The following CACNA2D3 variants were observed in gnomAD, a reference collection of about 807,000 sequenced individuals.
CACNA2D3 encodes voltage-dependent calcium channel subunit alpha-2/delta-3.
CACNA2D3 carries 60 observed loss-of-function variants against 160.6 expected under a neutral mutation model. That is an observed-to-expected ratio of 0.37 (90% CI 0.30 to 0.46). The LOEUF (loss-of-function observed/expected upper bound fraction) is 0.46, where lower values mean the gene tolerates loss of function less well. Ranked by LOEUF, CACNA2D3 falls within the 20% of genes least tolerant of loss-of-function variation. The probability of loss-of-function intolerance (pLI) is 1.00; values close to 1 mark genes in which losing one functional copy is unlikely to be tolerated. For synonymous variants in CACNA2D3, 558 were observed against 492.9 expected, an observed-to-expected ratio of 1.13 and a Z score of -1.75; for missense variants, 1,205 against 1,365.0, an observed-to-expected ratio of 0.88 and a Z score of 1.85.
At chr3:54,689,010 A>AAAAAAATAG (rs1553785965) in intron 11 of CACNA2D3, among the ~76,000 whole-genome samples, 1 of 85,496 alleles carries the variant, frequency 1.2e-5, no homozygotes, top group Admixed American at 1.5e-4. Context: ...AAAAAAAAAA[A>AAAAAAATAG]AGAATGAGGT....
intron 5 of CACNA2D3, among the ~76,000 whole-genome samples, chr3:54,523,212 C>G (rs1392262934): frequency 6.6e-6 from 1 of 152,078 alleles, no homozygotes; most frequent in Non-Finnish European, 1.5e-5. Context: ...GAAGAAGTCA[C>G]CTTCTATTCC....
At chr3:54,769,274 T>C (rs938220200) in intron 13 of CACNA2D3, among the ~76,000 whole-genome samples, 1 of 152,020 alleles carries the variant, frequency 6.6e-6, no homozygotes, top group Non-Finnish European at 1.5e-5. Context: ...CAGGACAGTT[T>C]CAAGCCAGCA....
chr3:54,783,045 CT>C (rs980563899), intron 13 of CACNA2D3, among the ~76,000 whole-genome samples: 48 of 152,258 alleles, frequency 3.2e-4, no homozygotes, highest in African/African-American at 9.1e-4. Context: ...AGGATTTTGC[CT>C]AAGGAAATGG....
At chr3:55,059,860 C>G (rs1015945802) in intron 35 of CACNA2D3, among the ~76,000 whole-genome samples, 4 of 152,026 alleles carry the variant, frequency 2.6e-5, no homozygotes, top group Admixed American at 1.3e-4. Context: ...GTTCTCCTCT[C>G]CAACCGTCCC....
chr3:54,571,587 C>A (rs1158443627), intron 8 of CACNA2D3, among the ~76,000 whole-genome samples: 1 of 149,618 alleles, frequency 6.7e-6, no homozygotes, highest in Non-Finnish European at 1.5e-5. Context: ...AGCCTGATTT[C>A]TTTGAGTCCT....
chr3:54,513,398 G>T (rs946044069), intron 5 of CACNA2D3, among the ~76,000 whole-genome samples: 1 of 151,988 alleles, frequency 6.6e-6, no homozygotes, highest in South Asian at 2.1e-4. Context: ...ACATTTTTGT[G>T]GTGCTTACTA....
At chr3:54,896,006 T>C (rs1167788751) in intron 25 of CACNA2D3, among the ~76,000 whole-genome samples, 1 of 152,156 alleles carries the variant, frequency 6.6e-6, no homozygotes, top group Non-Finnish European at 1.5e-5. Flanking sequence ...GTTACCAAGA[T>C]TGTGGGGGCC....
intron 13 of CACNA2D3, among the ~76,000 whole-genome samples, chr3:54,781,645 T>G (rs1010718088): frequency 1.3e-5 from 2 of 152,212 alleles, no homozygotes; most frequent in Non-Finnish European, 2.9e-5. Flanking sequence ...TTCGGTAATT[T>G]GTACATGTTA....
chr3:54,400,119 G>A (rs1450020379), intron 4 of CACNA2D3, among the ~76,000 whole-genome samples: 2 of 143,384 alleles, frequency 1.4e-5, no homozygotes, highest in African/African-American at 5.2e-5. Context: ...CTGACCCCTT[G>A]CGCTTCCCAG....
intron 29 of CACNA2D3, among the ~76,000 whole-genome samples, chr3:54,981,935 C>T (rs12107153): frequency 0.25 from 38,054 of 152,086 alleles, 5,296 homozygotes; most frequent in African/African-American, 0.38. Flanking sequence ...GAGCAAAGCA[C>T]TGCCTGTGGC....
chr3:54,758,512 G>C (rs1702018430), intron 12 of CACNA2D3, among the ~76,000 whole-genome samples: 1 of 152,144 alleles, frequency 6.6e-6, no homozygotes, highest in Admixed American at 6.5e-5. Flanking sequence ...TGTGAAGTCA[G>C]AGAAGACAGG....
chr3:54,883,243 C>T (rs1004141699), intron 21 of CACNA2D3, among the ~76,000 whole-genome samples: 49 of 152,256 alleles, frequency 3.2e-4, no homozygotes, highest in African/African-American at 1.2e-3. Flanking sequence ...AGACTGGTCT[C>T]GAACTCCTGA....
chr3:54,311,098 ATCAGGCTTCGAG>A (rs1288717456), intron 2 of CACNA2D3, among the ~76,000 whole-genome samples: 9 of 152,186 alleles, frequency 5.9e-5, no homozygotes, highest in African/African-American at 1.9e-4. Flanking sequence ...GGATGCTGCT[ATCAGGCTTCGAG>A]TCAGCAGCAC....
intron 4 of CACNA2D3, among the ~76,000 whole-genome samples, chr3:54,468,649 C>A (rs753770478): frequency 6.6e-6 from 1 of 152,194 alleles, no homozygotes; most frequent in African/African-American, 2.4e-5. Context: ...ATCCCACCCC[C>A]ACGGAGTCCA....
intron 27 of CACNA2D3, among the ~76,000 whole-genome samples, chr3:54,941,097 G>A (rs1457492704): frequency 2.0e-5 from 3 of 152,160 alleles, no homozygotes; most frequent in Non-Finnish European, 2.9e-5. Flanking sequence ...TCCATGGTAC[G>A]AGTAATGCCG....
At chr3:54,527,702 C>T (rs1463038102) in intron 5 of CACNA2D3, among the ~76,000 whole-genome samples, 2 of 152,180 alleles carry the variant, frequency 1.3e-5, no homozygotes, top group African/African-American at 4.8e-5. Flanking sequence ...ATGAGAAATG[C>T]TGATGACCTG....
At chr3:54,935,042 A>T (rs1286722357) in intron 27 of CACNA2D3, among the ~76,000 whole-genome samples, 2 of 152,158 alleles carry the variant, frequency 1.3e-5, no homozygotes, top group African/African-American at 2.4e-5. Flanking sequence ...CCAAGTCTGG[A>T]GGGTGCTATT....
chr3:54,660,162 TA>T (rs1699942653), intron 11 of CACNA2D3, among the ~76,000 whole-genome samples: 1 of 151,034 alleles, frequency 6.6e-6, no homozygotes, highest in Non-Finnish European at 1.5e-5. Context: ...TTTTTCTTTT[TA>T]TTTTTTTTTA....
chr3:54,608,496 A>G (rs1468077499), intron 9 of CACNA2D3, among the ~76,000 whole-genome samples: 1 of 152,182 alleles, frequency 6.6e-6, no homozygotes, highest in Non-Finnish European at 1.5e-5. Flanking sequence ...AAAATCACAC[A>G]CACAATAAAG....
Sources: gnomAD v4.1 joint callset for allele counts (sites outside exome capture counted in the v4.1 genomes callset) on GRCh38, gnomAD v4.1.1 for gene constraint, MANE v1.5 for transcripts, NCBI Gene and HGNC (gene_info 2026-07-23, HGNC 2026-07-21) for gene names.